The following SGCZ variants were observed in gnomAD, a reference collection of about 807,000 sequenced individuals.
SGCZ encodes sarcoglycan zeta, also known as zeta-sarcoglycan.
In SGCZ, 40 loss-of-function variants were observed where a neutral mutation model predicts 41.3. That is an observed-to-expected ratio of 0.97 (90% CI 0.75 to 1.26). The LOEUF is 1.26. Ranked by LOEUF, SGCZ falls within the 50% of genes most tolerant of loss-of-function variation. The pLI is 0.00. For missense variants in SGCZ, 552 were observed against 369.8 expected, an observed-to-expected ratio of 1.49 and a Z score of -4.04; for synonymous variants, 206 against 137.5, an observed-to-expected ratio of 1.50 and a Z score of -3.49.
intron 5 of SGCZ, among the ~76,000 whole-genome samples, chr8:14,163,162 C>T (rs1414353529): frequency 6.6e-6 from 1 of 152,142 alleles, no homozygotes; most frequent in Non-Finnish European, 1.5e-5. Context: ...TATGTCCAGC[C>T]AATACACTTT....
intron 1 of SGCZ, among the ~76,000 whole-genome samples, chr8:14,566,593 A>G (rs932492908): frequency 4.6e-4 from 70 of 152,244 alleles, no homozygotes; most frequent in Non-Finnish European, 1.5e-4. Context: ...TGAAAAAGGA[A>G]AAGAGAAAAT....
chr8:15,004,230 A>G (rs763092465), intron 1 of SGCZ, among the ~76,000 whole-genome samples: 2 of 152,180 alleles, frequency 1.3e-5, no homozygotes, highest in Non-Finnish European at 2.9e-5. Context: ...ACGCAGGTGC[A>G]CCAAGTATAG....
chr8:14,256,292 G>A (rs182996548), intron 3 of SGCZ, among the ~76,000 whole-genome samples: 16 of 152,166 alleles, frequency 1.1e-4, no homozygotes, highest in African/African-American at 3.9e-4. Context: ...ATGAGACATA[G>A]ATTTTTGCCA....
At chr8:14,465,217 C>T in intron 2 of SGCZ, among the ~76,000 whole-genome samples, 1 of 151,550 alleles carries the variant, frequency 6.6e-6, no homozygotes, top group East Asian at 1.9e-4. Flanking sequence ...TCAGTCCTGT[C>T]AACTTTTGCC....
At chr8:14,572,501 A>G (rs953349694) in intron 1 of SGCZ, among the ~76,000 whole-genome samples, 2 of 141,928 alleles carry the variant, frequency 1.4e-5, no homozygotes, top group African/African-American at 2.4e-5. Flanking sequence ...GAACCCAGAG[A>G]GGGAAGTTTA....
intron 1 of SGCZ, among the ~76,000 whole-genome samples, chr8:15,147,287 C>A (rs866585254): frequency 3.3e-5 from 5 of 152,154 alleles, no homozygotes; most frequent in Middle Eastern, 6.8e-3. Context: ...CTGTTTTGTT[C>A]TGTTTTTTGA....
chr8:14,840,539 C>T (rs887953351), intron 1 of SGCZ, among the ~76,000 whole-genome samples: 11 of 152,048 alleles, frequency 7.2e-5, no homozygotes, highest in African/African-American at 2.4e-4. Context: ...AATTAAAAAT[C>T]TGTACTCAGA....
chr8:14,246,986 T>C (rs997332614), intron 3 of SGCZ, among the ~76,000 whole-genome samples: 2 of 151,988 alleles, frequency 1.3e-5, no homozygotes, highest in East Asian at 1.9e-4. Context: ...CATCTAATTA[T>C]TGAAATTTTT....
At chr8:14,868,631 C>G (rs1029354216) in intron 1 of SGCZ, among the ~76,000 whole-genome samples, 9 of 152,048 alleles carry the variant, frequency 5.9e-5, no homozygotes, top group African/African-American at 2.2e-4. Context: ...TTACAAAGCA[C>G]ATATTGATGG....
chr8:14,386,709 G>C (rs1050077532), intron 2 of SGCZ, among the ~76,000 whole-genome samples: 4 of 152,148 alleles, frequency 2.6e-5, no homozygotes, highest in Non-Finnish European at 4.4e-5. Flanking sequence ...GCTGCCAGAA[G>C]TTCATATTTC....
chr8:14,237,742 T>C, intron 3 of SGCZ, 63 bp from the exon 4 acceptor site: 1 of 1,370,980 alleles, frequency 7.3e-7, no homozygotes, highest in Non-Finnish European at 1.0e-6. Context: ...TACAAAAAAA[T>C]ATACTGCATT....
intron 2 of SGCZ, among the ~76,000 whole-genome samples, chr8:14,347,093 T>C (rs1802913031): frequency 6.6e-6 from 1 of 152,146 alleles, no homozygotes; most frequent in Non-Finnish European, 1.5e-5. Context: ...TGCCAGAGGC[T>C]ACAATTTCCC....
chr8:14,168,447 C>T (rs1185403054), intron 4 of SGCZ, among the ~76,000 whole-genome samples: 1 of 152,102 alleles, frequency 6.6e-6, no homozygotes, highest in Non-Finnish European at 1.5e-5. Context: ...GTAATTGGAT[C>T]ATGGGGGCAG....
chr8:14,142,696 A>G (rs960659857), intron 5 of SGCZ, among the ~76,000 whole-genome samples: 3 of 152,128 alleles, frequency 2.0e-5, no homozygotes, highest in African/African-American at 7.2e-5. Context: ...GTAACTCCCA[A>G]TGCTGGAGAT....
intron 2 of SGCZ, among the ~76,000 whole-genome samples, chr8:14,365,085 T>G (rs1377856409): frequency 6.6e-6 from 1 of 152,076 alleles, no homozygotes; most frequent in Non-Finnish European, 1.5e-5. Context: ...ATCTCTATAT[T>G]GTAAACAGCA....
At chr8:15,162,005 T>C (rs1355730366) in intron 1 of SGCZ, among the ~76,000 whole-genome samples, 4 of 152,194 alleles carry the variant, frequency 2.6e-5, no homozygotes, top group African/African-American at 9.6e-5. Context: ...CACTCCAGCC[T>C]GGGTAACAGC....
At chr8:14,885,458 G>C (rs1563338669) in intron 1 of SGCZ, among the ~76,000 whole-genome samples, 1 of 152,022 alleles carries the variant, frequency 6.6e-6, no homozygotes, top group South Asian at 2.1e-4. Context: ...TAATTAATTG[G>C]GTTGGATCCT....
intron 1 of SGCZ, among the ~76,000 whole-genome samples, chr8:14,579,863 C>T (rs1804829689): frequency 6.6e-6 from 1 of 152,156 alleles, no homozygotes; most frequent in Non-Finnish European, 1.5e-5. Flanking sequence ...GATAAAGAGA[C>T]TGAAAAATCC....
At chr8:15,101,910 G>A (rs1806628906) in intron 1 of SGCZ, among the ~76,000 whole-genome samples, 2 of 152,176 alleles carry the variant, frequency 1.3e-5, no homozygotes, top group African/African-American at 4.8e-5. Context: ...GAGCAACAGA[G>A]CGAGACTGTC....
Sources: allele counts gnomAD v4.1 joint callset (sites outside exome capture counted in the v4.1 genomes callset), GRCh38; gene constraint gnomAD v4.1.1; transcripts MANE v1.5; gene names NCBI Gene and HGNC (gene_info 2026-07-23, HGNC 2026-07-21).